Variants in DCAF13 observed in about 807,000 individuals in gnomAD.
The protein encoded by DCAF13 is DDB1- and CUL4-associated factor 13.
Under a neutral mutation model 59.0 loss-of-function variants are expected in DCAF13, and 38 were observed. That is an observed-to-expected ratio of 0.64 (90% confidence interval 0.50 to 0.84). The LOEUF is 0.84. Ranked by LOEUF, DCAF13 falls within the 40% of genes least tolerant of loss-of-function variation. The probability of loss-of-function intolerance (pLI) is 0.00; values close to 1 mark genes in which losing one functional copy is unlikely to be tolerated. For synonymous variants in DCAF13, 173 were observed against 175.0 expected, an observed-to-expected ratio of 0.99 and a Z score of 0.09; for missense variants, 469 against 558.4, an observed-to-expected ratio of 0.84 and a Z score of 1.61.
chr8:103,419,299 G>A (rs1247783192), intron 1 of DCAF13, among the ~76,000 whole-genome samples: 6 of 152,100 alleles, frequency 3.9e-5, no homozygotes, highest in African/African-American at 1.4e-4. Context: ...TGTCGTATTC[G>A]AGTTACTTAA....
chr8:103,440,374 T>C, intron 9 of DCAF13, 103 bp downstream of exon 9: 1 of 1,011,120 alleles, frequency 9.9e-7, no homozygotes. Flanking sequence ...GTATTTTGAT[T>C]AAATTGACAT....
In DCAF13 at chr8:103,432,711, T is replaced by C. The variant is rs776808717; in HGVS notation, c.755T>C (p.Phe252Ser). ...ATCTGTTGGAACCCTATGGAAGCTT[T>C]CATTTTTACAGCAGCAAATGAAGAT... ...NTICWNPMEA[F>S]IFTAANEDYN... Residue 252 changes from phenylalanine to serine, a missense_variant, in exon 7 of 11, where the codon TTC becomes TCC. Physicochemically the swap from Phe to Ser is radical, Grantham distance 155. Around this residue, in one of 3 missense-constraint regions of DCAF13, gnomAD observed 355 missense variants for 399.1 expected, o/e 0.89. Coordinates refer to ENST00000612750, the MANE Select transcript of DCAF13 (RefSeq NM_015420.7). 2.5e-6 allele frequency: 4 copies of C among 1,605,156 alleles called. No individual in the cohort carries two copies. Among genetic ancestry groups the C allele is most frequent in the Non-Finnish European group, 3.4e-6 (4 of 1,173,080 alleles).
chr8:103,437,488 A>G (rs1038150853), intron 8 of DCAF13, among the ~76,000 whole-genome samples: 1 of 152,166 alleles, frequency 6.6e-6, no homozygotes. Flanking sequence ...GAAAACTCAC[A>G]TTATTCCAAA....
At chr8:103,426,279 C>A in intron 4 of DCAF13, 134 bp downstream of exon 4, 1 of 534,520 alleles carries the variant, frequency 1.9e-6, no homozygotes, top group Non-Finnish European at 3.3e-6. Context: ...AATTGTTGAC[C>A]CATTTACGCA....
chr8:103,432,683 A>G lies in DCAF13; in HGVS notation c.727A>G (p.Thr243Ala). Residue 243 changes from threonine to alanine, a missense_variant, in exon 7 of 11, where the codon ACA becomes GCA. Coordinates refer to ENST00000612750, the MANE Select transcript of DCAF13 (RefSeq NM_015420.7). ...GGTTATCTTAGATATGAGAACAAAT[A>G]CAATCTGTTGGAACCCTATGGAAGC... The part of the protein sequence containing the change: ...KKVILDMRTN[T>A]ICWNPMEAFI... 6.2e-7 allele frequency: 1 copy of G among 1,601,872 alleles called. No homozygotes were observed. Among genetic ancestry groups the G allele is most frequent in the South Asian group, 1.1e-5 (1 of 90,714 alleles).
chr8:103,440,299 C>CA, intron 9 of DCAF13, 28 bp downstream of exon 9: 1 of 1,518,196 alleles, frequency 6.6e-7, no homozygotes, highest in Non-Finnish European at 8.8e-7. Context: ...CTTTCATTGT[C>CA]ATAAAGCTGA....
intron 5 of DCAF13, chr8:103,429,286 A>G (rs2130486796): frequency 6.6e-6 from 1 of 152,374 alleles, no homozygotes; most frequent in Admixed American, 6.5e-5. Context: ...GTCTCAGAAA[A>G]GCAGCCATTA....
chr8:103,438,463 C>T (rs543816545), intron 8 of DCAF13, among the ~76,000 whole-genome samples: 4 of 151,072 alleles, frequency 2.6e-5, no homozygotes, highest in South Asian at 4.2e-4. Flanking sequence ...CTCTGTCAGC[C>T]AGGCTAGAGT....
Position 103,441,538 on chromosome 8 carries a change from A to G in DCAF13, c.1170A>G (p.Ile390Met). The G allele has an allele frequency of 6.2e-7, 1 of 1,609,494 alleles. No individual in the cohort carries two copies. Among genetic ancestry groups the G allele is most frequent in the Non-Finnish European group, 8.5e-7 (1 of 1,179,006 alleles). The change falls in exon 10 of 11, where the codon ATA becomes ATG. Residue 390 changes from isoleucine to methionine, a missense_variant. By Grantham distance (10) the Ile-to-Met change is conservative. Coordinates refer to ENST00000612750, the MANE Select transcript of DCAF13 (RefSeq NM_015420.7). ...AGCATTATCCTCATATAAAACGTAT[A>G]GCTCGTCATCGACATCTACCAAAAT... is the stretch of plus-strand genomic sequence containing the variant. ...KFQHYPHIKR[I>M]ARHRHLPKSI...
chr8:103,434,324 G>A (rs909130728), intron 7 of DCAF13, among the ~76,000 whole-genome samples: 1 of 152,078 alleles, frequency 6.6e-6, no homozygotes. Context: ...ATCCTATAAT[G>A]TGGAACTTTG....
intron 8 of DCAF13, among the ~76,000 whole-genome samples, chr8:103,437,537 T>C (rs1489391575): frequency 6.6e-6 from 1 of 152,108 alleles, no homozygotes; most frequent in East Asian, 1.9e-4. Context: ...TTCTAAGAAA[T>C]TGTCTCCTGA....
intron 1 of DCAF13, among the ~76,000 whole-genome samples, chr8:103,417,745 A>G (rs1816642064): frequency 6.6e-6 from 1 of 152,086 alleles, no homozygotes; most frequent in South Asian, 2.1e-4. Flanking sequence ...AATGGGGCAC[A>G]CAGAAAGTTT....
rs115908581 is a variant in DCAF13 at position 103,415,642 on chromosome 8, T to G, written c.70+126T>G. The stretch of plus-strand genomic sequence containing the variant: ...TGGTTCTTTCTCAGTTACCTTTCGC[T>G]AAGGCAAACTTTGTGCTTACGGAGT... On this transcript the variant is annotated intron_variant, in intron 1 of 10. Coordinates refer to ENST00000612750, the MANE Select transcript of DCAF13 (RefSeq NM_015420.7). 5.5e-6 allele frequency: 5 copies of G among 905,532 alleles called. No homozygotes were observed. The African/African-American group carries it at 8.4e-5, about 15-fold the overall frequency. The allele number at this position is 905,532 out of a possible 1,614,324, so 56.1% of individuals were successfully genotyped here. A position where few individuals can be genotyped will look rare whatever the true frequency, so the allele number is the denominator to read the frequency against.
intron 5 of DCAF13, chr8:103,429,776 A>G (rs1383441803): frequency 1.3e-5 from 2 of 152,230 alleles, no homozygotes; most frequent in Non-Finnish European, 2.9e-5. Flanking sequence ...ACACTTTTAA[A>G]TGACACTACC....
At chr8:103,423,750 G>A (rs933727031) in intron 3 of DCAF13, among the ~76,000 whole-genome samples, 1 of 152,218 alleles carries the variant, frequency 6.6e-6, no homozygotes, top group African/African-American at 2.4e-5. Context: ...GTGTCTACGT[G>A]TATCAAAACA....
In DCAF13 at chr8:103,435,266, GTATT is replaced by G. The variant is rs1816917205; in HGVS notation, c.786-357_786-354del. ...AACATTTCAATTTTATTAAAAGTAT[GTATT>G]TAAATAGTATGGTGAAAAAGGTTTT... is the stretch of plus-strand genomic sequence containing the variant. On this transcript the variant is annotated intron_variant, in intron 7 of 10. Transcript: ENST00000612750. Among the ~76,000 whole-genome samples the G allele has an allele frequency of 3.9e-5, 6 of 152,210 alleles. No individual in the cohort carries two copies. In the South Asian group the frequency reaches 1.2e-3, roughly 32 times the overall value.
rs1388911609 is a variant in DCAF13 at position 103,442,825 on chromosome 8, T to G, written c.1281T>G (p.Pro427=). 1.2e-6 allele frequency: 2 copies of G among 1,606,906 alleles called. No homozygotes were observed. The highest frequency in any genetic ancestry group is 1.7e-6 in the Non-Finnish European group (2 of 1,177,798). Residue 427 remains proline, a synonymous_variant, in exon 11 of 11, where the codon CCT becomes CCG. Coordinates refer to ENST00000612750, the MANE Select transcript of DCAF13 (RefSeq NM_015420.7). ...KEVNRIKHSK[P]GSVPLVSEKK... ...TGAATCGTATTAAACACAGCAAGCCTGGATCTGTGCCACTTGTGTCAGAGA... is the reference window on the plus strand; with the variant it reads ...TGAATCGTATTAAACACAGCAAGCCGGGATCTGTGCCACTTGTGTCAGAGA...
At position 103,418,858 on chromosome 8, in the gene DCAF13, ATATATATATTTTTTTTTTTTTTTTTTT is replaced by A. The variant is rs1364914930; in HGVS notation, c.71-1404_71-1378del. ...TATATATATATATATATATATATAT[ATATATATATTTTTTTTTTTTTTTTTTT>A]TTTTTTTTTTTTTTTTGAGATGAAG... On this transcript the variant is annotated intron_variant, in intron 1 of 10. Transcript: ENST00000612750. Among the ~76,000 whole-genome samples, 3 of 34,952 alleles carry A rather than the reference ATATATATATTTTTTTTTTTTTTTTTTT, an allele frequency of 8.6e-5. No individual in the cohort carries two copies. The South Asian group carries it at 2.5e-3, about 30-fold the overall frequency. 22.9% of individuals were successfully genotyped at this position (34,952 alleles called of 152,430 possible). A position where few individuals can be genotyped will look rare whatever the true frequency, so the allele number is the denominator to read the frequency against.
Position 103,418,842 on chromosome 8 carries a change from A to T in DCAF13, c.71-1422A>T, listed in dbSNP as rs1336022827. 1.1e-3 allele frequency among the ~76,000 whole-genome samples: 15 copies of T among 13,726 alleles called. No individual in the cohort carries two copies. The East Asian group carries it at 0.014, about 13-fold the overall frequency. 9.0% of individuals were successfully genotyped at this position (13,726 alleles called of 152,430 possible). A position where few individuals can be genotyped will look rare whatever the true frequency, so the allele number is the denominator to read the frequency against. On this transcript the variant is annotated intron_variant, in intron 1 of 10. Coordinates refer to ENST00000612750, the MANE Select transcript of DCAF13 (RefSeq NM_015420.7). ...AGCATAATTATATATATATATATAT[A>T]TATATATATATATATATATATATAT...
Sources: gnomAD v4.1 joint callset for allele counts (sites outside exome capture counted in the v4.1 genomes callset) on GRCh38, gnomAD v4.1.1 for gene constraint, gnomAD v4.1.1 regional missense constraint, MANE v1.5 for transcripts, NCBI Gene and HGNC (gene_info 2026-07-23, HGNC 2026-07-21) for gene names.